HHAT: variants seen among roughly 807,000 people sequenced by gnomAD.
HHAT encodes protein-cysteine N-palmitoyltransferase HHAT.
In HHAT, 47 loss-of-function variants were observed where a neutral mutation model predicts 70.8. The ratio of observed to expected loss-of-function variants is 0.66; its 90% confidence interval spans 0.53 to 0.85. The LOEUF is 0.85. Ranked by LOEUF, HHAT falls within the 40% of genes least tolerant of loss-of-function variation. HHAT has a pLI of 0.00. For missense variants in HHAT, 609 were observed against 604.8 expected, an observed-to-expected ratio of 1.01 and a Z score of -0.07; for synonymous variants, 228 against 247.6, an observed-to-expected ratio of 0.92 and a Z score of 0.74.
intron 11 of HHAT, among the ~76,000 whole-genome samples, chr1:210,671,084 G>A (rs780177812): frequency 1.1e-4 from 17 of 152,118 alleles, no homozygotes; most frequent in South Asian, 2.1e-4. Context: ...TGTGTGTTAC[G>A]CGGAAGCTTT....
chr1:210,606,619 T>G (rs971011043), intron 10 of HHAT, among the ~76,000 whole-genome samples: 1 of 152,210 alleles, frequency 6.6e-6, no homozygotes, highest in African/African-American at 2.4e-5. Flanking sequence ...TTCTCCTCTC[T>G]CCTTTAACAA....
intron 10 of HHAT, among the ~76,000 whole-genome samples, chr1:210,598,555 C>T (rs1663535952): frequency 6.6e-6 from 1 of 152,146 alleles, no homozygotes; most frequent in South Asian, 2.1e-4. Flanking sequence ...TCTAAGTGTC[C>T]CCTCCACAGG....
chr1:210,448,528 A>T (rs1176857952), intron 7 of HHAT, among the ~76,000 whole-genome samples: 1 of 152,150 alleles, frequency 6.6e-6, no homozygotes, highest in Non-Finnish European at 1.5e-5. Context: ...TTCAAATTAG[A>T]CCAAATTAGC....
chr1:210,385,255 T>TG (rs2090956456), intron 3 of HHAT, among the ~76,000 whole-genome samples: 1 of 134,512 alleles, frequency 7.4e-6, no homozygotes, highest in Non-Finnish European at 1.7e-5. Context: ...TGTTTTTCTT[T>TG]TTTTTTTTTT....
chr1:210,492,661 C>T (rs1216992755), intron 8 of HHAT, among the ~76,000 whole-genome samples: 1 of 152,128 alleles, frequency 6.6e-6, no homozygotes, highest in Non-Finnish European at 1.5e-5. Flanking sequence ...CTAGAGTGTA[C>T]ACTTACTTAT....
intron 11 of HHAT, among the ~76,000 whole-genome samples, chr1:210,640,353 T>C (rs1057239936): frequency 6.6e-6 from 1 of 152,150 alleles, no homozygotes; most frequent in African/African-American, 2.4e-5. Context: ...AAGAAAACTT[T>C]TTGGAGACAA....
intron 9 of HHAT, among the ~76,000 whole-genome samples, chr1:210,546,770 G>C (rs1171265210): frequency 6.6e-6 from 1 of 152,234 alleles, no homozygotes; most frequent in Non-Finnish European, 1.5e-5. Flanking sequence ...TGAAGGAGCA[G>C]AGCCTGAAGC....
intron 11 of HHAT, among the ~76,000 whole-genome samples, chr1:210,645,904 C>G (rs562074184): frequency 2.6e-5 from 4 of 152,290 alleles, no homozygotes; most frequent in Admixed American, 6.5e-5. Context: ...CACAGGGCCC[C>G]CTTTTTTTGA....
At chr1:210,566,630 G>A (rs1045075840) in intron 9 of HHAT, among the ~76,000 whole-genome samples, 1 of 152,108 alleles carries the variant, frequency 6.6e-6, no homozygotes, top group Non-Finnish European at 1.5e-5. Flanking sequence ...TCTGAATGCT[G>A]AGAGGAGTTC....
chr1:210,404,285 G>A (rs754420442), intron 5 of HHAT, among the ~76,000 whole-genome samples, 179 bp from the exon 6 acceptor site: 14 of 152,138 alleles, frequency 9.2e-5, no homozygotes, highest in Non-Finnish European at 1.9e-4. Flanking sequence ...TTTACCTGGT[G>A]TTCATTGGTT....
At chr1:210,344,272 T>C (rs1368067954) in intron 1 of HHAT, among the ~76,000 whole-genome samples, 1 of 48,326 alleles carries the variant, frequency 2.1e-5, no homozygotes, top group Non-Finnish European at 4.3e-5. Context: ...GAAACTATGT[T>C]ATTGTTTCAT....
intron 4 of HHAT, among the ~76,000 whole-genome samples, chr1:210,395,005 A>G (rs1014103075): frequency 6.6e-6 from 1 of 152,020 alleles, no homozygotes; most frequent in African/African-American, 2.4e-5. Flanking sequence ...ATATGTATGT[A>G]TATATATAAT....
intron 9 of HHAT, among the ~76,000 whole-genome samples, chr1:210,522,366 T>G (rs1296981977): frequency 6.6e-6 from 1 of 152,182 alleles, no homozygotes; most frequent in African/African-American, 2.4e-5. Flanking sequence ...AAGCTAAGGA[T>G]CTGTGTGGTG....
At chr1:210,571,807 G>A (rs1656336036) in intron 9 of HHAT, among the ~76,000 whole-genome samples, 1 of 152,158 alleles carries the variant, frequency 6.6e-6, no homozygotes, top group Admixed American at 6.5e-5. Flanking sequence ...TGACTTTATT[G>A]CATGAACAGA....
chr1:210,457,707 A>G (rs2093898817), intron 7 of HHAT, among the ~76,000 whole-genome samples: 1 of 152,140 alleles, frequency 6.6e-6, no homozygotes, highest in Non-Finnish European at 1.5e-5. Context: ...GTTGCTCATG[A>G]ATTTTCATGA....
At chr1:210,393,006 T>C (rs998904028) in intron 4 of HHAT, among the ~76,000 whole-genome samples, 1 of 152,144 alleles carries the variant, frequency 6.6e-6, no homozygotes, top group African/African-American at 2.4e-5. Flanking sequence ...TCTCCTCTCG[T>C]GGGAGGCAGT....
intron 9 of HHAT, among the ~76,000 whole-genome samples, chr1:210,580,533 G>C (rs1410977719): frequency 7.9e-6 from 1 of 126,390 alleles, no homozygotes; most frequent in Non-Finnish European, 1.5e-5. Flanking sequence ...TTGTTCCCCT[G>C]TCTGTATCCA....
At chr1:210,630,734 C>A (rs1157535182) in intron 11 of HHAT, among the ~76,000 whole-genome samples, 1 of 152,202 alleles carries the variant, frequency 6.6e-6, no homozygotes, top group Admixed American at 6.5e-5. Context: ...GCAGTAGGGT[C>A]CATCTCCCTG....
intron 4 of HHAT, among the ~76,000 whole-genome samples, chr1:210,391,330 T>C (rs1429698524): frequency 6.6e-6 from 1 of 152,206 alleles, no homozygotes. Context: ...ATTAAACTTT[T>C]AGAAAATATG....
Sources: gnomAD v4.1 joint callset for allele counts (sites outside exome capture counted in the v4.1 genomes callset) on GRCh38, gnomAD v4.1.1 for gene constraint, MANE v1.5 for transcripts, NCBI Gene and HGNC (gene_info 2026-07-23, HGNC 2026-07-21) for gene names.